MYH3: variants seen among roughly 807,000 people sequenced by gnomAD.
MYH3 encodes myosin heavy chain 3, also known as myosin-3.
A neutral mutation model predicts 238.0 loss-of-function variants in MYH3; 130 were observed. The ratio of observed to expected loss-of-function variants is 0.55; its 90% CI spans 0.47 to 0.63. MYH3 has a LOEUF of 0.63. Ranked by LOEUF, MYH3 falls within the 30% of genes least tolerant of loss-of-function variation. The probability of loss-of-function intolerance (pLI) is 0.00; values close to 1 mark genes in which losing one functional copy is unlikely to be tolerated. For missense variants in MYH3, 1,853 were observed against 2,374.9 expected (o/e 0.78, Z 4.57); for synonymous variants, 880 against 924.1 (o/e 0.95, Z 0.86).
intron 19 of MYH3, 56 bp downstream of exon 19, chr17:10,641,029 A>G: frequency 7.5e-7 from 1 of 1,330,810 alleles, no homozygotes; most frequent in South Asian, 1.2e-5. Flanking sequence ...CTCCCTCTCA[A>G]ATTCCAGTGT....
intron 8 of MYH3, among the ~76,000 whole-genome samples, chr17:10,647,875 C>A (rs1423315716): frequency 6.6e-6 from 1 of 151,100 alleles, no homozygotes; most frequent in Non-Finnish European, 1.5e-5. Context: ...TATGTCCTTC[C>A]TCTTCTCCCT....
rs1359589099 is a variant in MYH3 at position 10,654,398 on chromosome 17, C to T, written c.204+463G>A. Among the ~76,000 whole-genome samples, 1 of 152,236 alleles carries T rather than the reference C, an allele frequency of 6.6e-6. No individual in the cohort carries two copies. The highest frequency in any genetic ancestry group is 2.4e-5 in the African/African-American group (1 of 41,462). On this transcript the variant is annotated intron_variant, in intron 3 of 40. Transcript: ENST00000583535. The surrounding 1 kb of genome is among the most constrained non-coding windows in gnomAD (Gnocchi z 4.5). ...TGCAGTGCTCATCCCCTTCATGATA[C>T]AAGGAGGCTGCTATTTCACTGAGCT...
chr17:10,663,200 G>A, the MYH3 span, among the ~76,000 whole-genome samples: 2 of 152,196 alleles, frequency 1.3e-5, no homozygotes, highest in African/African-American at 2.4e-5. Flanking sequence ...GATACAGATG[G>A]AGACAGCCTG....
At chr17:10,666,802 A>G in the MYH3 span, among the ~76,000 whole-genome samples, 1 of 152,114 alleles carries the variant, frequency 6.6e-6, no homozygotes, top group Admixed American at 6.6e-5. Context: ...ATGGAAGAAA[A>G]TATTTGTAAT....
chr17:10,661,289 T>TAAA (rs34393718), upstream of MYH3, among the ~76,000 whole-genome samples: 53 of 49,682 alleles, frequency 1.1e-3, no homozygotes, highest in Non-Finnish European at 1.2e-3. Flanking sequence ...AGACTCCATC[T>TAAA]AAAAAAAAAA....
chr17:10,669,604 C>T, the MYH3 span, among the ~76,000 whole-genome samples: 1 of 150,068 alleles, frequency 6.7e-6, no homozygotes, highest in South Asian at 2.1e-4. Flanking sequence ...AACTAAATGA[C>T]CTCTTAAGTC....
chr17:10,633,969 C>CA, intron 32 of MYH3, 48 bp downstream of exon 32: 1 of 1,605,508 alleles, frequency 6.2e-7, no homozygotes, highest in Non-Finnish European at 8.5e-7. Flanking sequence ...TGCTCTCGAG[C>CA]AATAGAGCAT....
chr17:10,643,889 GT>G, intron 14 of MYH3, among the ~76,000 whole-genome samples: 1 of 152,182 alleles, frequency 6.6e-6, no homozygotes, highest in African/African-American at 2.4e-5. Context: ...GCCAGGTGCG[GT>G]GGCTCATGCC....
chr17:10,667,212 C>A, the MYH3 span, among the ~76,000 whole-genome samples: 2 of 152,178 alleles, frequency 1.3e-5, no homozygotes, highest in African/African-American at 2.4e-5. Context: ...AAAACCACTT[C>A]TAGGAACCTA....
At position 10,632,732 on chromosome 17, in the gene MYH3, G is replaced by T; in HGVS notation, c.4700C>A (p.Thr1567Lys). The change falls in exon 34 of 41, where the codon ACA (threonine) becomes AAA (lysine). Residue 1567 changes from threonine (T) to lysine (K), a missense_variant. Around this residue, in one of 3 missense-constraint regions of MYH3, gnomAD observed 1,044 missense variants for 1,192.6 expected, o/e 0.88. Coordinates refer to ENST00000583535, the MANE Select transcript of MYH3 (RefSeq NM_002470.4). ...AKILRIQLEL[T>K]QVKSEIDRKI... ...TCTATCAATTTCTGATTTCACTTGT[G>T]TCAATTCAAGCTGGATTCGGAGGAT... is the stretch of plus-strand genomic sequence containing the variant. The T allele has an allele frequency of 4.3e-6, 7 of 1,614,146 alleles. No homozygotes were observed. The highest frequency in any genetic ancestry group is 5.9e-6 in the Non-Finnish European group (7 of 1,180,018).
At chr17:10,656,785 G>C (rs983199817) in intron 1 of MYH3, among the ~76,000 whole-genome samples, 1 of 152,156 alleles carries the variant, frequency 6.6e-6, no homozygotes, top group African/African-American at 2.4e-5. Flanking sequence ...AGGTCTCCTT[G>C]TCTGTGAACA....
chr17:10,655,145 G>T, intron 2 of MYH3, 73 bp from the exon 3 acceptor site: 1 of 1,228,054 alleles, frequency 8.1e-7, no homozygotes, highest in Non-Finnish European at 1.2e-6. Flanking sequence ...GCCTGTTTCA[G>T]CCTCCACCCT....
At chr17:10,635,160 C>T (rs1597483366) in intron 30 of MYH3, 137 bp from the exon 31 acceptor site, 2 of 1,307,670 alleles carry the variant, frequency 1.5e-6, no homozygotes, top group East Asian at 2.4e-5. Flanking sequence ...AATTTCCTGT[C>T]TACTCAAAAT....
At chr17:10,666,991 C>T in the MYH3 span, among the ~76,000 whole-genome samples, 12 of 152,082 alleles carry the variant, frequency 7.9e-5, no homozygotes, top group Non-Finnish European at 1.3e-4. Context: ...CTTACCTTTC[C>T]CTATTTAAGA....
chr17:10,637,774 G>C, intron 28 of MYH3, 35 bp downstream of exon 28: 1 of 1,613,458 alleles, frequency 6.2e-7, no homozygotes, highest in Non-Finnish European at 8.5e-7. Context: ...GTGCCAGGAG[G>C]TTTTGGCCCC....
intron 32 of MYH3, 119 bp downstream of exon 32, chr17:10,633,898 C>A: frequency 1.4e-6 from 2 of 1,470,784 alleles, no homozygotes; most frequent in African/African-American, 2.8e-5. Flanking sequence ...ACACTTTCTG[C>A]ATGTGCATTA....
chr17:10,639,013 C>A (rs776789400), intron 25 of MYH3, 31 bp downstream of exon 25: 47 of 1,614,028 alleles, frequency 2.9e-5, no homozygotes, highest in South Asian at 1.3e-4. Context: ...CAGTAACTTG[C>A]AAAATGGAAG....
chr17:10,650,553 AT>A (rs2074364811), intron 5 of MYH3, 152 bp from the exon 6 acceptor site: 3 of 671,990 alleles, frequency 4.5e-6, no homozygotes, highest in Middle Eastern at 3.9e-4. Context: ...AAGAGCCTCC[AT>A]CTGCTTTTTA....
intron 13 of MYH3, 37 bp from the exon 14 acceptor site, chr17:10,644,537 A>C (rs2074302767): frequency 1.2e-6 from 2 of 1,613,700 alleles, no homozygotes; most frequent in Non-Finnish European, 1.7e-6. Context: ...ATATGAAGGA[A>C]GTGGCCAGCA....
Sources: gnomAD v4.1 joint callset for allele counts (sites outside exome capture counted in the v4.1 genomes callset) on GRCh38, gnomAD v4.1.1 for gene constraint, gnomAD v4.1.1 regional missense constraint, Gnocchi (gnomAD v3.1) non-coding constraint, MANE v1.5 for transcripts, NCBI Gene and HGNC (gene_info 2026-07-23, HGNC 2026-07-21) for gene names.